TBCA: variants seen among roughly 807,000 people sequenced by gnomAD.
TBCA encodes the protein tubulin folding cofactor A, also known as tubulin-specific chaperone A.
In TBCA, 6 loss-of-function variants were observed where a neutral mutation model predicts 15.8. That is an observed-to-expected ratio of 0.38 (90% CI 0.21 to 0.75). TBCA has a LOEUF of 0.75. Ranked by LOEUF, TBCA falls within the 30% of genes least tolerant of loss-of-function variation. TBCA has a pLI of 0.46. For missense variants in TBCA, 90 were observed against 131.2 expected (o/e 0.69, Z 1.53); for synonymous variants, 32 against 42.3 (o/e 0.76, Z 0.94).
At chr5:77,772,749 C>CATTAATTTATAAGCA (rs1383500301) in intron 1 of TBCA, among the ~76,000 whole-genome samples, 1 of 152,110 alleles carries the variant, frequency 6.6e-6, no homozygotes, top group Non-Finnish European at 1.5e-5. Context: ...GAGACACTTC[C>CATTAATTTATAAGCA]ATTAATTTAT....
chr5:77,776,030 G>C (rs529940341), intron 1 of TBCA, among the ~76,000 whole-genome samples, 175 bp downstream of exon 1: 28 of 152,222 alleles, frequency 1.8e-4, no homozygotes, highest in African/African-American at 5.5e-4. Context: ...TGGCGGGCTC[G>C]GGCGTCAGCG....
intron 1 of TBCA, among the ~76,000 whole-genome samples, chr5:77,750,955 T>C (rs776429976): frequency 6.6e-6 from 1 of 152,126 alleles, no homozygotes; most frequent in Non-Finnish European, 1.5e-5. Flanking sequence ...TTATTATCAG[T>C]AGAAAGGAGT....
chr5:77,748,639 T>C lies in TBCA; in HGVS notation c.53+27566A>G, dbSNP rs535074726. On this transcript the variant is annotated intron_variant, in intron 1 of 3. Coordinates refer to ENST00000380377, the MANE Select transcript of TBCA (RefSeq NM_004607.3). ...TAAAAAAGCTAAACATACTTGGGCA[T>C]TGCCACTTCTTGTACAGTTGACCCT... Among the ~76,000 whole-genome samples the C allele has an allele frequency of 8.5e-4, 130 of 152,282 alleles. 2 individuals are homozygous for C. In the South Asian group the frequency reaches 0.025, roughly 29 times the overall value.
intron 1 of TBCA, among the ~76,000 whole-genome samples, chr5:77,731,511 A>T (rs1000537520): frequency 6.6e-6 from 1 of 152,130 alleles, no homozygotes; most frequent in Non-Finnish European, 1.5e-5. Flanking sequence ...GTGTCATCCA[A>T]TCCTATTTTT....
chr5:77,754,333 T>G (rs1024179313), intron 1 of TBCA, among the ~76,000 whole-genome samples: 3 of 152,238 alleles, frequency 2.0e-5, no homozygotes, highest in African/African-American at 7.2e-5. Context: ...TACATAACCT[T>G]TAAATAAGCT....
intron 1 of TBCA, among the ~76,000 whole-genome samples, chr5:77,764,957 A>G (rs542722297): frequency 5.3e-5 from 8 of 152,188 alleles, no homozygotes; most frequent in African/African-American, 1.9e-4. Context: ...TTAGAAATTA[A>G]AATAAATTTT....
chr5:77,727,419 T>C (rs1189907717), intron 1 of TBCA, among the ~76,000 whole-genome samples: 1 of 152,160 alleles, frequency 6.6e-6, no homozygotes, highest in Non-Finnish European at 1.5e-5. Flanking sequence ...TATATCTAGA[T>C]AGTAACGTTC....
intron 1 of TBCA, among the ~76,000 whole-genome samples, chr5:77,722,734 C>T (rs973166931): frequency 1.3e-5 from 2 of 151,888 alleles, no homozygotes; most frequent in African/African-American, 4.8e-5. Flanking sequence ...ATGCAAAATT[C>T]TGACTTTAGT....
intron 1 of TBCA, among the ~76,000 whole-genome samples, chr5:77,712,257 G>A (rs1746295470): frequency 1.3e-5 from 2 of 152,108 alleles, no homozygotes; most frequent in South Asian, 2.1e-4. Flanking sequence ...TGGCATCCTG[G>A]TGAATTGGGA....
At chr5:77,766,407 T>C in intron 1 of TBCA, among the ~76,000 whole-genome samples, 1 of 152,166 alleles carries the variant, frequency 6.6e-6, no homozygotes. Context: ...AAAATAAAAA[T>C]ACTATCCTGA....
At chr5:77,766,754 C>T (rs1330594082) in intron 1 of TBCA, among the ~76,000 whole-genome samples, 1 of 22,358 alleles carries the variant, frequency 4.5e-5, no homozygotes, top group African/African-American at 1.9e-4. Context: ...GCCTCGGCCT[C>T]CCAAAGTGCT....
intron 1 of TBCA, among the ~76,000 whole-genome samples, chr5:77,709,600 T>C (rs1454676200): frequency 6.6e-6 from 1 of 152,118 alleles, no homozygotes; most frequent in Non-Finnish European, 1.5e-5. Context: ...TCAAAATTGG[T>C]ATAGTAGCTT....
At chr5:77,751,049 A>G (rs1297443226) in intron 1 of TBCA, among the ~76,000 whole-genome samples, 3 of 151,980 alleles carry the variant, frequency 2.0e-5, no homozygotes, top group African/African-American at 7.3e-5. Context: ...GAGAAAATAG[A>G]CTGTAATTGT....
chr5:77,691,983 C>A (rs147948068), intron 3 of TBCA: 1 of 986,138 alleles, frequency 1.0e-6, no homozygotes, highest in Admixed American at 6.1e-5. Flanking sequence ...GAATTGCCTG[C>A]TTGCTAATGG....
intron 1 of TBCA, among the ~76,000 whole-genome samples, chr5:77,742,328 A>G (rs1747058421): frequency 6.6e-6 from 1 of 150,522 alleles, no homozygotes; most frequent in Non-Finnish European, 1.5e-5. Context: ...TGTAACAAGT[A>G]CTCCCCCTTT....
At chr5:77,772,098 A>G (rs1747928518) in intron 1 of TBCA, among the ~76,000 whole-genome samples, 1 of 151,798 alleles carries the variant, frequency 6.6e-6, no homozygotes, top group Admixed American at 6.6e-5. Context: ...AAAAAAAAAG[A>G]AAAGAATAGA....
At chr5:77,709,333 T>G (rs1746221301) in intron 1 of TBCA, among the ~76,000 whole-genome samples, 1 of 152,178 alleles carries the variant, frequency 6.6e-6, no homozygotes, top group Non-Finnish European at 1.5e-5. Context: ...AATACAAAGT[T>G]CTACTGATTA....
intron 1 of TBCA, among the ~76,000 whole-genome samples, chr5:77,750,172 T>C (rs900838775): frequency 1.3e-5 from 2 of 151,450 alleles, no homozygotes; most frequent in African/African-American, 2.4e-5. Flanking sequence ...CAAATATATA[T>C]ATATAGCACA....
intron 3 of TBCA, chr5:77,692,626 AG>A (rs1409753757): frequency 1.0e-6 from 1 of 985,276 alleles, no homozygotes; most frequent in African/African-American, 1.7e-5. Context: ...TTACTTTCTC[AG>A]CTACTAGATT....
Sources: allele counts gnomAD v4.1 joint callset (sites outside exome capture counted in the v4.1 genomes callset), GRCh38; gene constraint gnomAD v4.1.1; transcripts MANE v1.5; gene names NCBI Gene and HGNC (gene_info 2026-07-23, HGNC 2026-07-21).